ANO10: variants seen among roughly 807,000 people sequenced by gnomAD.
ANO10 encodes the protein anoctamin-10.
In ANO10, 77 loss-of-function variants were observed where a neutral mutation model predicts 74.7. The ratio of observed to expected loss-of-function variants is 1.03; its 90% CI spans 0.86 to 1.25. The LOEUF is 1.25. ANO10 is among the 50% of genes most tolerant of loss of function. ANO10 has a pLI of 0.00. For missense variants in ANO10, 721 were observed against 778.1 expected, an observed-to-expected ratio of 0.93 and a Z score of 0.87; for synonymous variants, 279 against 284.9, an observed-to-expected ratio of 0.98 and a Z score of 0.21.
intron 11 of ANO10, among the ~76,000 whole-genome samples, chr3:43,443,869 G>A (rs771664665): frequency 3.3e-5 from 5 of 151,624 alleles, no homozygotes; most frequent in Non-Finnish European, 5.9e-5. Context: ...TTTTAGTAGA[G>A]ACGGGTTTCA....
intron 11 of ANO10, among the ~76,000 whole-genome samples, chr3:43,466,399 A>AAAAG (rs397989356): frequency 6.7e-6 from 1 of 149,694 alleles, no homozygotes; most frequent in African/African-American, 2.4e-5. Context: ...AAACAAAAAA[A>AAAAG]CCAGTAATCA....
intron 11 of ANO10, among the ~76,000 whole-genome samples, chr3:43,456,388 G>T (rs1408269445): frequency 6.6e-6 from 1 of 152,182 alleles, no homozygotes; most frequent in Non-Finnish European, 1.5e-5. Flanking sequence ...CCTGTGCTCT[G>T]AGGTAAGCTC....
intron 5 of ANO10, 81 bp from the exon 6 acceptor site, chr3:43,577,342 T>C: frequency 7.3e-7 from 1 of 1,367,706 alleles, no homozygotes; most frequent in South Asian, 1.2e-5. Context: ...TTATTCATTT[T>C]TTAGTTAAGT....
At chr3:43,400,179 C>T (rs995787832) in intron 12 of ANO10, among the ~76,000 whole-genome samples, 2 of 151,868 alleles carry the variant, frequency 1.3e-5, no homozygotes, top group African/African-American at 2.4e-5. Context: ...GCTTTTCTTT[C>T]ATGTTTCCTT....
rs1442729348 is a variant in ANO10 at position 43,372,595 on chromosome 3, C to T, written c.1915-5621G>A. Reference sequence around the variant, plus strand: ...TGCCACTCAGTCCTCAGCCTGTCTCCTCCTCATCCCTCTATTTCCTCCTCC... The same window carrying T: ...TGCCACTCAGTCCTCAGCCTGTCTCTTCCTCATCCCTCTATTTCCTCCTCC... On this transcript the variant is annotated intron_variant, in intron 12 of 12. Coordinates refer to ENST00000292246, the MANE Select transcript of ANO10 (RefSeq NM_018075.5). The T allele has an allele frequency of 1.0e-5, 5 of 483,258 alleles. No individual in the cohort carries two copies. The South Asian group carries it at 1.5e-4, about 14-fold the overall frequency. 29.9% of individuals were successfully genotyped at this position (483,258 alleles called of 1,614,324 possible).
At chr3:43,435,485 G>C (rs148983260) in intron 11 of ANO10, among the ~76,000 whole-genome samples, 22,598 of 148,782 alleles carry the variant, frequency 0.15, 1,864 homozygotes, top group African/African-American at 0.2. Context: ...CTCCAGCCTG[G>C]GTGACAGAGC....
At chr3:43,504,575 ATTAGT>A (rs1030378203) in intron 11 of ANO10, among the ~76,000 whole-genome samples, 14 of 152,222 alleles carry the variant, frequency 9.2e-5, no homozygotes, top group Admixed American at 2.0e-4. Context: ...AAAAAAACAG[ATTAGT>A]TTATGTAGTT....
intron 1 of ANO10, among the ~76,000 whole-genome samples, chr3:43,688,322 G>A (rs1484562423): frequency 6.6e-6 from 1 of 152,062 alleles, no homozygotes; most frequent in South Asian, 2.1e-4. Flanking sequence ...CCAGGCGGTA[G>A]GGTCTTCAAC....
intron 11 of ANO10, among the ~76,000 whole-genome samples, chr3:43,492,516 G>A (rs1036095516): frequency 6.6e-6 from 1 of 152,098 alleles, no homozygotes; most frequent in African/African-American, 2.4e-5. Flanking sequence ...CTACAGAATG[G>A]GAGAATATTT....
At chr3:43,582,429 A>C (rs1407005812) in intron 4 of ANO10, among the ~76,000 whole-genome samples, 4 of 152,126 alleles carry the variant, frequency 2.6e-5, no homozygotes, top group Non-Finnish European at 4.4e-5. Flanking sequence ...CCTGGGTGAC[A>C]GAGCGAGACT....
intron 12 of ANO10, among the ~76,000 whole-genome samples, chr3:43,392,410 T>C (rs539803686): frequency 6.6e-6 from 1 of 152,344 alleles, no homozygotes; most frequent in East Asian, 1.9e-4. Flanking sequence ...ATATATCCTG[T>C]TCTGCATCTT....
intron 11 of ANO10, among the ~76,000 whole-genome samples, chr3:43,520,657 A>T (rs2077912701): frequency 6.6e-6 from 1 of 152,128 alleles, no homozygotes; most frequent in African/African-American, 2.4e-5. Context: ...ATTTTACTAC[A>T]TGGGCATTCT....
intron 1 of ANO10, among the ~76,000 whole-genome samples, chr3:43,660,693 G>A (rs1456388206): frequency 5.3e-5 from 8 of 152,146 alleles, no homozygotes; most frequent in African/African-American, 1.9e-4. Flanking sequence ...AGTGGCTCAC[G>A]CCTGTAATCC....
rs148315987 is a variant in ANO10, at chr3:43,517,794, C to T, written c.1797+31926G>A. 3.1e-3 allele frequency among the ~76,000 whole-genome samples: 478 copies of T among 152,280 alleles called. 4 individuals are homozygous for T. The highest frequency in any genetic ancestry group is 0.011 in the African/African-American group (454 of 41,548). On this transcript the variant is annotated intron_variant, in intron 11 of 12. Coordinates refer to ENST00000292246, the MANE Select transcript of ANO10 (RefSeq NM_018075.5). Reference sequence around the variant, plus strand: ...ATCATCATACAAATTGAGCACTACCCTAATTGGTTTACCTTGGTTAACAGG... The same window carrying T: ...ATCATCATACAAATTGAGCACTACCTTAATTGGTTTACCTTGGTTAACAGG...
chr3:43,498,831 T>C (rs940380455), intron 11 of ANO10, among the ~76,000 whole-genome samples: 2 of 152,196 alleles, frequency 1.3e-5, no homozygotes, highest in South Asian at 2.1e-4. Context: ...AAATAAGATA[T>C]AACATTTCTT....
At chr3:43,450,036 G>T (rs945060576) in intron 11 of ANO10, among the ~76,000 whole-genome samples, 1 of 151,734 alleles carries the variant, frequency 6.6e-6, no homozygotes, top group Non-Finnish European at 1.5e-5. Context: ...GCATTTTTTT[G>T]GAGCTAATGT....
chr3:43,421,692 G>C (rs1034723906), intron 12 of ANO10, among the ~76,000 whole-genome samples: 1 of 147,750 alleles, frequency 6.8e-6, no homozygotes, highest in Admixed American at 6.6e-5. Flanking sequence ...CAAAATATTA[G>C]AGAGGTGTGG....
chr3:43,407,489 C>G (rs893204960), intron 12 of ANO10, among the ~76,000 whole-genome samples: 1 of 152,194 alleles, frequency 6.6e-6, no homozygotes, highest in Admixed American at 6.5e-5. Flanking sequence ...CCCTTAGAAT[C>G]TTTCCCTGGG....
intron 11 of ANO10, among the ~76,000 whole-genome samples, chr3:43,450,555 T>C (rs2074817488): frequency 1.3e-5 from 2 of 151,948 alleles, no homozygotes; most frequent in Non-Finnish European, 2.9e-5. Context: ...AAAAGAAAAA[T>C]TACATATCTA....
Sources: allele counts gnomAD v4.1 joint callset (sites outside exome capture counted in the v4.1 genomes callset), GRCh38; gene constraint gnomAD v4.1.1; transcripts MANE v1.5; gene names NCBI Gene and HGNC (gene_info 2026-07-23, HGNC 2026-07-21).